The following SSH2 variants were observed in gnomAD, a reference collection of about 807,000 sequenced individuals.
SSH2 encodes slingshot protein phosphatase 2, also known as protein phosphatase Slingshot homolog 2.
A neutral mutation model predicts 135.2 loss-of-function variants in SSH2; 37 were observed. The observed-to-expected ratio is 0.27, with a 90% confidence interval of 0.21 to 0.36. SSH2 has a LOEUF of 0.36. SSH2 is among the 10% of genes least tolerant of loss of function. The probability of loss-of-function intolerance (pLI) is 1.00; values close to 1 mark genes in which losing one functional copy is unlikely to be tolerated. For synonymous variants in SSH2, 628 were observed against 646.2 expected (o/e 0.97, Z 0.43); for missense variants, 1,408 against 1,765.3 (o/e 0.80, Z 3.63).
intron 3 of SSH2, among the ~76,000 whole-genome samples, chr17:29,730,081 G>A (rs1208812672): frequency 6.6e-6 from 1 of 152,118 alleles, no homozygotes; most frequent in Non-Finnish European, 1.5e-5. Flanking sequence ...CACTTCGGGA[G>A]AGGCTGAGAT....
intron 1 of SSH2, among the ~76,000 whole-genome samples, chr17:29,876,458 A>G (rs1192686027): frequency 6.6e-6 from 1 of 152,178 alleles, no homozygotes; most frequent in Non-Finnish European, 1.5e-5. Flanking sequence ...ATCCCTCGTC[A>G]GATGGGTAGT....
chr17:29,922,229 GAC>G (rs1459676641), intron 1 of SSH2, among the ~76,000 whole-genome samples: 1 of 152,236 alleles, frequency 6.6e-6, no homozygotes, highest in Non-Finnish European at 1.5e-5. Context: ...CTTGGGAAGA[GAC>G]AGGGCTGAAG....
At chr17:29,900,731 G>C (rs2066535656) in intron 1 of SSH2, among the ~76,000 whole-genome samples, 1 of 152,150 alleles carries the variant, frequency 6.6e-6, no homozygotes, top group Admixed American at 6.5e-5. Flanking sequence ...CGATTCCTCA[G>C]GGATCTAGAA....
intron 3 of SSH2, among the ~76,000 whole-genome samples, chr17:29,734,278 A>G (rs2040296279): frequency 6.6e-6 from 1 of 152,196 alleles, no homozygotes; most frequent in Non-Finnish European, 1.5e-5. Flanking sequence ...AGACATAGAA[A>G]GGCTTTCTAT....
In SSH2 at chr17:29,632,893, C is replaced by T; in HGVS notation, c.2301G>A (p.Gln767=). The change falls in exon 16 of 16, where the codon CAG becomes CAA. Residue 767 remains glutamine (Q), a synonymous_variant. Coordinates refer to ENST00000540801, the MANE Select transcript of SSH2 (RefSeq NM_001282129.2). ...SELVSPDIFM[Q]SHSENAISVK... is the part of the protein sequence containing the mutation. ...CTGAAATTGCATTTTCCGAGTGAGACTGCATGAAGATGTCTGGGCTGACCA... is the reference window on the plus strand; with the variant it reads ...CTGAAATTGCATTTTCCGAGTGAGATTGCATGAAGATGTCTGGGCTGACCA... 1.2e-6 allele frequency: 2 copies of T among 1,613,518 alleles called. No homozygotes were observed. Among genetic ancestry groups the T allele is most frequent in the South Asian group, 1.1e-5 (1 of 91,002 alleles).
At chr17:29,734,964 GA>G (rs60065226) in intron 3 of SSH2, among the ~76,000 whole-genome samples, 1,764 of 152,130 alleles carry the variant, frequency 0.012, 33 homozygotes, top group African/African-American at 0.039. Context: ...AGCTTAAAAA[GA>G]GTTTACTTGG....
intron 3 of SSH2, among the ~76,000 whole-genome samples, chr17:29,711,618 C>T (rs1054747415): frequency 6.6e-6 from 1 of 152,068 alleles, no homozygotes; most frequent in Non-Finnish European, 1.5e-5. Flanking sequence ...TCAATATCAC[C>T]CTACTCTCCT....
intron 1 of SSH2, among the ~76,000 whole-genome samples, chr17:29,926,651 A>G (rs1330922483): frequency 6.6e-6 from 1 of 151,944 alleles, no homozygotes; most frequent in Non-Finnish European, 1.5e-5. Context: ...TTCAAACTCC[A>G]AACTCCCAAG....
Position 29,677,589 on chromosome 17 carries a change from T to C in SSH2, c.548+84A>G, listed in dbSNP as rs933807295. 7.8e-6 allele frequency: 9 copies of C among 1,148,228 alleles called. No homozygotes were observed. In the African/African-American group the frequency reaches 1.2e-4, roughly 16 times the overall value. 71.1% of individuals were successfully genotyped at this position (1,148,228 alleles called of 1,614,324 possible). On this transcript the variant is annotated intron_variant, in intron 7 of 15. Transcript: ENST00000540801. ...GAAAGTTCAGTTGGCACACTGGGCC[T>C]CCCTTTTAGCTGAATGAATGTGCAG...
intron 3 of SSH2, among the ~76,000 whole-genome samples, chr17:29,765,549 C>T (rs972877737): frequency 6.6e-6 from 1 of 152,152 alleles, no homozygotes; most frequent in Admixed American, 6.5e-5. Flanking sequence ...CCTCTATGCT[C>T]TTTTCCACAA....
chr17:29,684,906 G>C (rs1359537465), intron 5 of SSH2, among the ~76,000 whole-genome samples: 1 of 151,762 alleles, frequency 6.6e-6, no homozygotes, highest in Non-Finnish European at 1.5e-5. Context: ...CTGTCAGGTT[G>C]TTTTAAGAAT....
At chr17:29,733,763 CTT>C (rs1052910402) in intron 3 of SSH2, among the ~76,000 whole-genome samples, 21 of 152,204 alleles carry the variant, frequency 1.4e-4, no homozygotes, top group African/African-American at 4.8e-4. Context: ...AAAATCTCAT[CTT>C]GTTTCTTCTG....
intron 5 of SSH2, among the ~76,000 whole-genome samples, chr17:29,686,650 C>T (rs531782625): frequency 2.6e-4 from 39 of 150,218 alleles, no homozygotes; most frequent in African/African-American, 6.6e-4. Flanking sequence ...ATTACATGCA[C>T]GGGCCACTGC....
Position 29,883,591 on chromosome 17 carries a change from G to T in SSH2, c.64-34662C>A, listed in dbSNP as rs144129182. On this transcript the variant is annotated intron_variant, in intron 1 of 15. Coordinates refer to ENST00000540801, the MANE Select transcript of SSH2 (RefSeq NM_001282129.2). ...GATACACTTTATAAGTTCTCCTGGA[G>T]TAAAGAATGGTAATGTCATCCTGTA... Among the ~76,000 whole-genome samples, 88 of 152,276 alleles carry T rather than the reference G, an allele frequency of 5.8e-4. 1 individual carries two copies. In the Middle Eastern group the frequency reaches 0.014, roughly 24 times the overall value.
chr17:29,667,463 G>A (rs915178280), intron 9 of SSH2, among the ~76,000 whole-genome samples: 4 of 152,172 alleles, frequency 2.6e-5, no homozygotes, highest in South Asian at 4.1e-4. Flanking sequence ...CCTGAACTCC[G>A]CCTCCTGTCA....
At chr17:29,851,549 G>A (rs2065559793) in intron 1 of SSH2, among the ~76,000 whole-genome samples, 1 of 151,736 alleles carries the variant, frequency 6.6e-6, no homozygotes, top group South Asian at 2.1e-4. Context: ...CCAAGATCAT[G>A]GCCATAGCAC....
chr17:29,712,410 T>C (rs997371115), intron 3 of SSH2, among the ~76,000 whole-genome samples: 2 of 152,244 alleles, frequency 1.3e-5, no homozygotes, highest in Non-Finnish European at 2.9e-5. Flanking sequence ...GATTTTGAGA[T>C]TTATTTTCCT....
chr17:29,823,478 C>G (rs775908047), intron 2 of SSH2, among the ~76,000 whole-genome samples: 1 of 152,174 alleles, frequency 6.6e-6, no homozygotes, highest in Non-Finnish European at 1.5e-5. Context: ...GGGCCACCCT[C>G]TAATCCCTTC....
At chr17:29,642,664 C>A (rs1202872239) in intron 14 of SSH2, among the ~76,000 whole-genome samples, 1 of 151,594 alleles carries the variant, frequency 6.6e-6, no homozygotes, top group African/African-American at 2.4e-5. Flanking sequence ...TTTATGATAC[C>A]CTTCTTTTTA....
Sources: gnomAD v4.1 joint callset for allele counts (sites outside exome capture counted in the v4.1 genomes callset) on GRCh38, gnomAD v4.1.1 for gene constraint, MANE v1.5 for transcripts, NCBI Gene and HGNC (gene_info 2026-07-23, HGNC 2026-07-21) for gene names.